OR14C36: variants seen among roughly 807,000 people sequenced by gnomAD.
The protein encoded by OR14C36 is olfactory receptor family 14 subfamily C member 36.
For synonymous variants in OR14C36, 142 were observed against 146.8 expected (o/e 0.97, Z 0.24); for missense variants, 404 against 384.8 (o/e 1.05, Z -0.42).
Position 248,349,180 on chromosome 1 carries a change from T to C in OR14C36, c.406T>C (p.Ser136Pro). ...QPLHYPVIVN[S>P]RICIQMTLAS... The stretch of plus-strand genomic sequence containing the variant: ...ACTTCACTACCCTGTGATCGTGAAC[T>C]CTCGAATCTGCATCCAGATGACACT... The change falls in exon 1 of 1, where the codon TCT becomes CCT. Residue 136 changes from serine (S) to proline (P), a missense_variant. By Grantham distance (74) the Ser-to-Pro change is moderately conservative (BLOSUM62 -1). Transcript: ENST00000317861. The C allele has an allele frequency of 1.2e-6, 2 of 1,614,008 alleles. No homozygotes were observed. Among genetic ancestry groups the C allele is most frequent in the East Asian group, 4.5e-5 (2 of 44,860 alleles).
In OR14C36 at chr1:248,349,226, T is replaced by C. The variant is rs1487140210; in HGVS notation, c.452T>C (p.Leu151Pro). The C allele has an allele frequency of 6.2e-7, 1 of 1,613,856 alleles. No individual in the cohort carries two copies. The highest frequency in any genetic ancestry group is 8.5e-7 in the Non-Finnish European group (1 of 1,179,970). Residue 151 changes from leucine (L) to proline (P), a missense_variant, in exon 1 of 1, where the codon CTT becomes CCT. Transcript: ENST00000317861. ...QMTLASLLSG[L>P]VYAGMHTGST... The stretch of plus-strand genomic sequence containing the variant: ...ACACTGGCCTCCCTACTCAGTGGTC[T>C]TGTCTATGCAGGCATGCACACTGGC...
Position 248,349,034 on chromosome 1 carries a change from GCAC to G in OR14C36, c.266_268del (p.Thr89del). The stretch of plus-strand genomic sequence containing the variant: ...TCATGTGTCAATTCCCTACTGGACA[GCAC>G]CACCATTTCTAAGGCGGGATGTGTA... On this transcript the variant is annotated inframe_deletion, in exon 1 of 1. Transcript: ENST00000317861. 6.2e-7 allele frequency: 1 copy of G among 1,613,720 alleles called. No individual in the cohort carries two copies. Among genetic ancestry groups the G allele is most frequent in the Non-Finnish European group, 8.5e-7 (1 of 1,179,942 alleles).
chr1:248,349,667 C>A lies in OR14C36; in HGVS notation c.893C>A (p.Ala298Asp). ...CTTAGAAATAAGCAAATAAAGGTGG[C>A]CATCAAGAAAATCATGAAGAGAATT... Reference protein sequence around the residue: ...YSLRNKQIKVAIKKIMKRIFY... With the variant: ...YSLRNKQIKVDIKKIMKRIFY... Residue 298 changes from alanine (A) to aspartate (D), a missense_variant, in exon 1 of 1, where the codon GCC (alanine) becomes GAC (aspartate). By Grantham distance (126) the Ala-to-Asp change is moderately radical. Transcript: ENST00000317861. 1 of 1,607,386 alleles carries A rather than the reference C, an allele frequency of 6.2e-7. No homozygotes were observed. Among genetic ancestry groups the A allele is most frequent in the Non-Finnish European group, 8.5e-7 (1 of 1,178,048 alleles).
Position 248,349,645 on chromosome 1 carries a change from A to C in OR14C36, c.871A>C (p.Arg291=). The change falls in exon 1 of 1, where the codon AGA becomes CGA. Residue 291 remains arginine (R), a synonymous_variant. Coordinates refer to ENST00000317861, the MANE Select transcript of OR14C36 (RefSeq NM_001001918.1). ...CTTTAACCCTATTATTTACAGTCTT[A>C]GAAATAAGCAAATAAAGGTGGCCAT... The part of the protein sequence containing the change: ...PLFNPIIYSL[R]NKQIKVAIKK... The C allele has an allele frequency of 6.2e-7, 1 of 1,609,558 alleles. No individual in the cohort carries two copies. The highest frequency in any genetic ancestry group is 2.2e-5 in the East Asian group (1 of 44,870).
rs767819229 is a variant in OR14C36 at position 248,349,392 on chromosome 1, C to T, written c.618C>T (p.Gly206=). The change falls in exon 1 of 1, where the codon GGC becomes GGT. Residue 206 remains glycine (G), a synonymous_variant. Transcript: ENST00000317861. ...MIVVSALGVG[G]GCFIFIIRSY... ...TTGTCTCTGCTCTGGGGGTAGGTGG[C>T]GGCTGTTTCATCTTTATCATCAGGT... 16 of 1,613,906 alleles carry T rather than the reference C, an allele frequency of 9.9e-6. No individual in the cohort carries two copies. Among genetic ancestry groups the T allele is most frequent in the Admixed American group, 5.0e-5 (3 of 59,968 alleles).
Position 248,349,359 on chromosome 1 carries a change from C to T in OR14C36, c.585C>T (p.Val195=). ...LSCSDTFSNE[V]MIVVSALGVG... ...GCTCTGACACCTTCAGCAATGAGGTCATGATTGTTGTCTCTGCTCTGGGGG... is the reference window on the plus strand; with the variant it reads ...GCTCTGACACCTTCAGCAATGAGGTTATGATTGTTGTCTCTGCTCTGGGGG... The change falls in exon 1 of 1, where the codon GTC becomes GTT. Residue 195 remains valine, a synonymous_variant. Transcript: ENST00000317861. The T allele has an allele frequency of 3.1e-6, 5 of 1,614,012 alleles. No individual in the cohort carries two copies. Among genetic ancestry groups the T allele is most frequent in the Non-Finnish European group, 4.2e-6 (5 of 1,179,936 alleles).
At chr1:248,349,081 GT>G in the OR14C36 span, 30 of 1,613,328 alleles carry the variant, frequency 1.9e-5, no homozygotes, top group South Asian at 1.6e-4. Context: ...CTTCCTCGTG[GT>G]TTTTTTTGTA....
At position 248,348,915 on chromosome 1, in the gene OR14C36, C is replaced by T. The variant is rs866211942; in HGVS notation, c.141C>T (p.Thr47=). Residue 47 remains threonine (T), a synonymous_variant, in exon 1 of 1, where the codon ACC becomes ACT. Transcript: ENST00000317861. The stretch of plus-strand genomic sequence containing the variant: ...GAAACATCCTCATTGTGACCGTCAC[C>T]ACCTGTGACAGCAGCCTTCACATGC... ...LMGNILIVTV[T]TCDSSLHMPM... 39 of 1,613,574 alleles carry T rather than the reference C, an allele frequency of 2.4e-5. No homozygotes were observed. The highest frequency in any genetic ancestry group is 3.3e-5 in the Non-Finnish European group (39 of 1,179,856).
rs772570605 is a variant in OR14C36, at chr1:248,349,367, T to C, written c.593T>C (p.Val198Ala). The stretch of plus-strand genomic sequence containing the variant: ...ACCTTCAGCAATGAGGTCATGATTG[T>C]TGTCTCTGCTCTGGGGGTAGGTGGC... ...SDTFSNEVMIVVSALGVGGGC... is the reference protein window; with the variant it reads ...SDTFSNEVMIAVSALGVGGGC... Residue 198 changes from valine (V) to alanine (A), a missense_variant, in exon 1 of 1, where the codon GTT (valine) becomes GCT (alanine). By Grantham distance (64) the Val-to-Ala change is moderately conservative. Coordinates refer to ENST00000317861, the MANE Select transcript of OR14C36 (RefSeq NM_001001918.1). 8 of 1,614,090 alleles carry C rather than the reference T, an allele frequency of 5.0e-6. No individual in the cohort carries two copies. Among genetic ancestry groups the C allele is most frequent in the South Asian group, 3.3e-5 (3 of 91,074 alleles).
chr1:248,349,464 A>C lies in OR14C36; in HGVS notation c.690A>C (p.Ala230=). The change falls in exon 1 of 1, where the codon GCA becomes GCC. Residue 230 remains alanine (A), a synonymous_variant. Coordinates refer to ENST00000317861, the MANE Select transcript of OR14C36 (RefSeq NM_001001918.1). The part of the protein sequence containing the change: ...FSTVLGFPRG[A]DRTKAFSTCI... ...CCGTGCTCGGGTTTCCAAGAGGAGCAGACAGAACAAAGGCCTTTTCCACCT... is the reference window on the plus strand; with the variant it reads ...CCGTGCTCGGGTTTCCAAGAGGAGCCGACAGAACAAAGGCCTTTTCCACCT... The C allele has an allele frequency of 6.2e-7, 1 of 1,614,022 alleles. No individual in the cohort carries two copies.
In OR14C36 at chr1:248,349,616, C is replaced by A. The variant is rs751740532; in HGVS notation, c.842C>A (p.Pro281His). Reference sequence around the variant, plus strand: ...TCTGGTTTTTATTCCATAATGCCTCCCCTCTTTAACCCTATTATTTACAGT... The same window carrying A: ...TCTGGTTTTTATTCCATAATGCCTCACCTCTTTAACCCTATTATTTACAGT... ...ILSGFYSIMP[P>H]LFNPIIYSLR... is the part of the protein sequence containing the mutation. The change falls in exon 1 of 1, where the codon CCC becomes CAC. Residue 281 changes from proline to histidine, a missense_variant. Coordinates refer to ENST00000317861, the MANE Select transcript of OR14C36 (RefSeq NM_001001918.1). 1.2e-6 allele frequency: 2 copies of A among 1,613,594 alleles called. No individual in the cohort carries two copies. The highest frequency in any genetic ancestry group is 1.7e-5 in the Admixed American group (1 of 59,968).
rs28728105 is a variant in OR14C36, at chr1:248,348,792, C to G, written c.18C>G (p.Thr6=). ...ATCCACCGATGCCCAATTCAACCAC[C>G]GTGATGGAATTTCTCCTCATGAGGT... The part of the protein sequence containing the change: MPNST[T]VMEFLLMRFS... The change falls in exon 1 of 1, where the codon ACC becomes ACG. Residue 6 remains threonine (T), a synonymous_variant. Coordinates refer to ENST00000317861, the MANE Select transcript of OR14C36 (RefSeq NM_001001918.1). 6.3e-7 allele frequency: 1 copy of G among 1,589,204 alleles called. No individual in the cohort carries two copies. Among genetic ancestry groups the G allele is most frequent in the Non-Finnish European group, 8.6e-7 (1 of 1,166,044 alleles).
Position 248,349,554 on chromosome 1 carries a change from A to G in OR14C36, c.780A>G (p.Pro260=). The G allele has an allele frequency of 1.2e-6, 2 of 1,614,042 alleles. No individual in the cohort carries two copies. Among genetic ancestry groups the G allele is most frequent in the Non-Finnish European group, 1.7e-6 (2 of 1,179,988 alleles). The change falls in exon 1 of 1, where the codon CCA becomes CCG. Residue 260 remains proline, a synonymous_variant. Coordinates refer to ENST00000317861, the MANE Select transcript of OR14C36 (RefSeq NM_001001918.1). ...CATGCTCTTCTGTGTACCTCAGGCC[A>G]CCTGCGATACCTGCAGCCACCCAGG... ...LSSCSSVYLR[P]PAIPAATQDL...
In OR14C36 at chr1:248,349,314, C is replaced by T. The variant is rs1660468328; in HGVS notation, c.540C>T (p.Pro180=). The T allele has an allele frequency of 6.2e-7, 1 of 1,614,022 alleles. No homozygotes were observed. Among genetic ancestry groups the T allele is most frequent in the Non-Finnish European group, 8.5e-7 (1 of 1,180,022 alleles). The part of the protein sequence containing the change: ...NVIHQFFCDI[P]SLLKLSCSDT... Reference sequence around the variant, plus strand: ...TTCATCAATTCTTCTGTGACATCCCCTCTCTGCTGAAGCTCTCTTGCTCTG... The same window carrying T: ...TTCATCAATTCTTCTGTGACATCCCTTCTCTGCTGAAGCTCTCTTGCTCTG... The change falls in exon 1 of 1, where the codon CCC becomes CCT. Residue 180 remains proline, a synonymous_variant. Coordinates refer to ENST00000317861, the MANE Select transcript of OR14C36 (RefSeq NM_001001918.1).
In OR14C36 at chr1:248,349,604, C is replaced by T. The variant is rs978422866; in HGVS notation, c.830C>T (p.Ser277Phe). 1 of 1,613,814 alleles carries T rather than the reference C, an allele frequency of 6.2e-7. No homozygotes were observed. The stretch of plus-strand genomic sequence containing the variant: ...GATCTGATCCTTTCTGGTTTTTATT[C>T]CATAATGCCTCCCCTCTTTAACCCT... ...TQDLILSGFY[S>F]IMPPLFNPII... The change falls in exon 1 of 1, where the codon TCC becomes TTC. Residue 277 changes from serine (S) to phenylalanine (F), a missense_variant. By Grantham distance (155) the Ser-to-Phe change is radical. Coordinates refer to ENST00000317861, the MANE Select transcript of OR14C36 (RefSeq NM_001001918.1).
chr1:248,349,588 C>T lies in OR14C36; in HGVS notation c.814C>T (p.Leu272Phe), dbSNP rs765451400. The change falls in exon 1 of 1, where the codon CTT becomes TTT. Residue 272 changes from leucine (L) to phenylalanine (F), a missense_variant. By Grantham distance (22) the Leu-to-Phe change is conservative (BLOSUM62 0). Transcript: ENST00000317861. ...ACCTGCAGCCACCCAGGATCTGATC[C>T]TTTCTGGTTTTTATTCCATAATGCC... ...AIPAATQDLILSGFYSIMPPL... is the reference protein window; with the variant it reads ...AIPAATQDLIFSGFYSIMPPL... 1.9e-6 allele frequency: 3 copies of T among 1,614,058 alleles called. No homozygotes were observed. Among genetic ancestry groups the T allele is most frequent in the Non-Finnish European group, 2.5e-6 (3 of 1,179,954 alleles).
chr1:248,349,437 GA>G, the OR14C36 span: 3 of 1,613,702 alleles, frequency 1.9e-6, no homozygotes, highest in Non-Finnish European at 2.5e-6. Flanking sequence ...ACATCTTTTC[GA>G]CCGTGCTCGG....
At position 248,349,106 on chromosome 1, in the gene OR14C36, T is replaced by C. The variant is rs1660464295; in HGVS notation, c.332T>C (p.Leu111Pro). Reference sequence around the variant, plus strand: ...GTTTTTTTTGTATATGTGGAGCTTCTGTTTCTCACCATTATGGCTCATGAC... The same window carrying C: ...GTTTTTTTTGTATATGTGGAGCTTCCGTTTCTCACCATTATGGCTCATGAC... The part of the protein sequence containing the change: ...LVVFFVYVEL[L>P]FLTIMAHDRY... The change falls in exon 1 of 1, where the codon CTG (leucine) becomes CCG (proline). Residue 111 changes from leucine to proline, a missense_variant. Leu to Pro is a moderately conservative substitution (Grantham distance 98). Transcript: ENST00000317861. 2 of 1,613,838 alleles carry C rather than the reference T, an allele frequency of 1.2e-6. No homozygotes were observed. The highest frequency in any genetic ancestry group is 1.6e-4 in the Middle Eastern group (1 of 6,080).
chr1:248,349,443 G>A lies in OR14C36; in HGVS notation c.669G>A (p.Val223=), dbSNP rs1660470750. The change falls in exon 1 of 1, where the codon GTG becomes GTA. Residue 223 remains valine (V), a synonymous_variant. Transcript: ENST00000317861. ...IRSYIHIFST[V]LGFPRGADRT... ...CTTACATTCACATCTTTTCGACCGT[G>A]CTCGGGTTTCCAAGAGGAGCAGACA... The A allele has an allele frequency of 4.3e-6, 7 of 1,613,850 alleles. No homozygotes were observed. The highest frequency in any genetic ancestry group is 1.3e-5 in the African/African-American group (1 of 74,880).
Sources: allele counts gnomAD v4.1 joint callset, GRCh38; gene constraint gnomAD v4.1.1; transcripts MANE v1.5; gene names NCBI Gene and HGNC (gene_info 2026-07-23, HGNC 2026-07-21).